Variants in LRFN2 observed in about 807,000 individuals in gnomAD.
LRFN2 encodes the protein leucine rich repeat and fibronectin type III domain containing 2, also known as leucine-rich repeat and fibronectin type-III domain-containing protein 2.
A neutral mutation model predicts 37.3 loss-of-function variants in LRFN2; 18 were observed. The ratio of observed to expected loss-of-function variants is 0.48; its 90% CI spans 0.33 to 0.72. The LOEUF is 0.72. LRFN2 is among the 30% of genes least tolerant of loss of function. The pLI, the probability that LRFN2 is intolerant of heterozygous loss-of-function variation, is 0.02. For missense variants in LRFN2, 1,006 were observed against 1,060.7 expected, an observed-to-expected ratio of 0.95 and a Z score of 0.72; for synonymous variants, 556 against 466.6, an observed-to-expected ratio of 1.19 and a Z score of -2.47.
intron 1 of LRFN2, among the ~76,000 whole-genome samples, chr6:40,538,516 C>T (rs1377527891): frequency 6.6e-6 from 1 of 152,268 alleles, no homozygotes; most frequent in Non-Finnish European, 1.5e-5. Context: ...CCAAGGCCCT[C>T]TTTCTCTTTG....
intron 2 of LRFN2, among the ~76,000 whole-genome samples, chr6:40,421,841 A>G (rs1256160304): frequency 6.6e-6 from 1 of 152,202 alleles, no homozygotes; most frequent in Non-Finnish European, 1.5e-5. Context: ...CCAAATTTGG[A>G]AAAGTCAGAT....
intron 1 of LRFN2, among the ~76,000 whole-genome samples, chr6:40,438,332 C>T (rs1432091484): frequency 6.6e-6 from 1 of 152,110 alleles, no homozygotes. Context: ...AAGGTGAGTG[C>T]CACCATAATT....
intron 1 of LRFN2, among the ~76,000 whole-genome samples, chr6:40,554,132 T>C (rs1325395617): frequency 6.6e-6 from 1 of 152,192 alleles, no homozygotes; most frequent in Non-Finnish European, 1.5e-5. Context: ...GCTCCTGCCC[T>C]TACTCCTGTC....
chr6:40,402,297 C>T (rs112492279), intron 2 of LRFN2, among the ~76,000 whole-genome samples: 88 of 152,296 alleles, frequency 5.8e-4, no homozygotes, highest in African/African-American at 1.8e-3. Context: ...AGAACCCCTG[C>T]TCAAGCTCAC....
intron 1 of LRFN2, among the ~76,000 whole-genome samples, chr6:40,563,960 C>G (rs1767044476): frequency 6.6e-6 from 1 of 152,238 alleles, no homozygotes; most frequent in Non-Finnish European, 1.5e-5. Context: ...CACCACTGCA[C>G]TTACCAACCG....
chr6:40,551,071 G>A (rs1766770778), intron 1 of LRFN2, among the ~76,000 whole-genome samples: 1 of 152,136 alleles, frequency 6.6e-6, no homozygotes, highest in Admixed American at 6.5e-5. Flanking sequence ...ACCAACGCAA[G>A]GATGGATGAG....
chr6:40,550,144 G>A (rs554735647), intron 1 of LRFN2, among the ~76,000 whole-genome samples: 7 of 152,280 alleles, frequency 4.6e-5, no homozygotes, highest in African/African-American at 1.7e-4. Context: ...GTAAGCAAAC[G>A]GCAGTGGTAA....
Position 40,447,853 on chromosome 6 carries a change from T to A in LRFN2, c.-18-14722A>T, listed in dbSNP as rs1219047463. ...CTGGGCTCTCAAAGAGCTCTGTAGA[T>A]ATTGCCAGAGTCTAGGGACCCTAGG... On this transcript the variant is annotated intron_variant, in intron 1 of 2. Coordinates refer to ENST00000338305, the MANE Select transcript of LRFN2 (RefSeq NM_020737.3). Among the ~76,000 whole-genome samples the A allele has an allele frequency of 2.0e-5, 3 of 152,278 alleles. No individual in the cohort carries two copies. The East Asian group carries it at 5.8e-4, about 29-fold the overall frequency.
intron 1 of LRFN2, among the ~76,000 whole-genome samples, chr6:40,501,038 C>A (rs969213290): frequency 3.3e-5 from 5 of 150,086 alleles, no homozygotes; most frequent in African/African-American, 1.2e-4. Context: ...TTAAAAATGA[C>A]ATTTTAAAAT....
intron 1 of LRFN2, among the ~76,000 whole-genome samples, chr6:40,506,615 T>C (rs1023876669): frequency 6.6e-6 from 1 of 152,148 alleles, no homozygotes; most frequent in African/African-American, 2.4e-5. Context: ...TCCCCAGGCA[T>C]GTTCCTATAT....
intron 1 of LRFN2, among the ~76,000 whole-genome samples, chr6:40,488,267 G>A (rs1379584412): frequency 6.6e-6 from 1 of 152,032 alleles, no homozygotes; most frequent in East Asian, 1.9e-4. Flanking sequence ...GCAAGGAAGG[G>A]GTTCCAAGGA....
intron 2 of LRFN2, among the ~76,000 whole-genome samples, chr6:40,427,443 A>G (rs968967458): frequency 1.3e-5 from 2 of 152,166 alleles, no homozygotes; most frequent in Non-Finnish European, 1.5e-5. Flanking sequence ...TTCCAACTGG[A>G]CCTGTCACTC....
At chr6:40,524,515 C>T (rs1433070710) in intron 1 of LRFN2, among the ~76,000 whole-genome samples, 2 of 152,058 alleles carry the variant, frequency 1.3e-5, no homozygotes, top group Admixed American at 6.6e-5. Flanking sequence ...TAAAGCTTGG[C>T]CTCTGGGGTC....
intron 1 of LRFN2, among the ~76,000 whole-genome samples, chr6:40,530,487 C>T (rs777720860): frequency 1.1e-4 from 17 of 152,120 alleles, no homozygotes; most frequent in Non-Finnish European, 2.1e-4. Context: ...AATGACCATG[C>T]TTGGCCTCTC....
At chr6:40,464,684 T>C (rs1368049911) in intron 1 of LRFN2, among the ~76,000 whole-genome samples, 2 of 152,212 alleles carry the variant, frequency 1.3e-5, no homozygotes, top group Non-Finnish European at 2.9e-5. Flanking sequence ...TTCTGAGGGC[T>C]TCCTGCCCCA....
At chr6:40,521,897 T>C (rs1279245050) in intron 1 of LRFN2, among the ~76,000 whole-genome samples, 1 of 152,254 alleles carries the variant, frequency 6.6e-6, no homozygotes, top group Non-Finnish European at 1.5e-5. Context: ...CTGAACTAGC[T>C]GTGGGCTTTG....
At chr6:40,405,935 G>A (rs1762835685) in intron 2 of LRFN2, among the ~76,000 whole-genome samples, 1 of 152,196 alleles carries the variant, frequency 6.6e-6, no homozygotes, top group Non-Finnish European at 1.5e-5. Context: ...CCCTGACTTG[G>A]GAGGCATGGC....
intron 1 of LRFN2, among the ~76,000 whole-genome samples, chr6:40,583,653 G>A (rs1012560656): frequency 6.6e-6 from 1 of 152,130 alleles, no homozygotes; most frequent in African/African-American, 2.4e-5. Flanking sequence ...AACAACCCTG[G>A]GGGATGACCA....
intron 1 of LRFN2, among the ~76,000 whole-genome samples, chr6:40,515,198 G>T (rs1322458212): frequency 6.6e-6 from 1 of 152,172 alleles, no homozygotes; most frequent in Non-Finnish European, 1.5e-5. Flanking sequence ...TCTGAGTAAA[G>T]GGGGGAAGGG....
Sources: gnomAD v4.1 joint callset for allele counts (sites outside exome capture counted in the v4.1 genomes callset) on GRCh38, gnomAD v4.1.1 for gene constraint, MANE v1.5 for transcripts, NCBI Gene and HGNC (gene_info 2026-07-23, HGNC 2026-07-21) for gene names.